Variants in DAGLB observed in about 807,000 individuals in gnomAD.
DAGLB encodes the protein diacylglycerol lipase-beta.
A neutral mutation model predicts 72.1 loss-of-function variants in DAGLB; 66 were observed. That is an observed-to-expected ratio of 0.92 (90% confidence interval 0.75 to 1.12). The LOEUF (loss-of-function observed/expected upper bound fraction) is 1.12. DAGLB is among the 50% of genes most tolerant of loss of function. The pLI is 0.00. For synonymous variants in DAGLB, 414 were observed against 359.5 expected (o/e 1.15, Z -1.71); for missense variants, 1,065 against 884.9 (o/e 1.20, Z -2.58).
At chr7:6,436,334 A>G in intron 3 of DAGLB, 28 bp downstream of exon 3, 1 of 1,585,766 alleles carries the variant, frequency 6.3e-7, no homozygotes. Flanking sequence ...AATCCACTGA[A>G]ACTCAAAGAG....
intron 8 of DAGLB, among the ~76,000 whole-genome samples, chr7:6,423,601 T>TG: frequency 6.6e-6 from 1 of 151,014 alleles, no homozygotes; most frequent in South Asian, 2.1e-4. Flanking sequence ...TTTTTTTTTT[T>TG]TTTCTGAGAC....
At chr7:6,447,525 T>C (rs3828944) in intron 1 of DAGLB, among the ~76,000 whole-genome samples, 125,991 of 151,888 alleles carry the variant, frequency 0.83, 52,622 homozygotes, top group African/African-American at 0.92. Context: ...TCCCCCGGGG[T>C]CAGCCCACAC....
intron 8 of DAGLB, chr7:6,422,135 G>A (rs975697150): frequency 2.8e-5 from 11 of 390,542 alleles, no homozygotes; most frequent in African/African-American, 2.1e-4. Context: ...AACAAAGCCT[G>A]GTTCCCGTCC....
rs1204519026 is a variant in DAGLB at position 6,434,961 on chromosome 7, C to T, written c.479G>A (p.Gly160Glu). 1 of 1,614,016 alleles carries T rather than the reference C, an allele frequency of 6.2e-7. No homozygotes were observed. The highest frequency in any genetic ancestry group is 2.2e-5 in the East Asian group (1 of 44,870). The change falls in exon 4 of 15, where the codon GGG becomes GAG. Residue 160 changes from glycine to glutamate, a missense_variant. Transcript: ENST00000297056. ...GGCAGAGGAATATGGAGCCATTTTC[C>T]CCCCAAGAGGGTCAAAGACAATGAT... ...SIIIVFDPLGGKMAPYSSAGP... is the reference protein window; with the variant it reads ...SIIIVFDPLGEKMAPYSSAGP...
intron 6 of DAGLB, among the ~76,000 whole-genome samples, chr7:6,427,664 T>C (rs1344639617): frequency 2.0e-5 from 3 of 152,092 alleles, no homozygotes; most frequent in African/African-American, 7.2e-5. Context: ...ACACCTGTAA[T>C]CCCAGGACTT....
chr7:6,422,099 G>A, intron 8 of DAGLB: 1 of 464,776 alleles, frequency 2.2e-6, no homozygotes, highest in South Asian at 1.8e-5. Flanking sequence ...AGGACCCCGT[G>A]GCACAGAACC....
In DAGLB at chr7:6,409,936, C is replaced by T; in HGVS notation, c.1920G>A (p.Met640Ile). 2 of 1,614,160 alleles carry T rather than the reference C, an allele frequency of 1.2e-6. No homozygotes were observed. Among genetic ancestry groups the T allele is most frequent in the Non-Finnish European group, 1.7e-6 (2 of 1,180,040 alleles). Residue 640 changes from methionine (M) to isoleucine (I), a missense_variant, in exon 15 of 15, where the codon ATG becomes ATA. Coordinates refer to ENST00000297056, the MANE Select transcript of DAGLB (RefSeq NM_139179.4). ...LIGPKMLTDH[M>I]PDILMRALDS... is the part of the protein sequence containing the mutation. The stretch of plus-strand genomic sequence containing the variant: ...CCAAGGCCCGCATCAGGATGTCTGG[C>T]ATGTGGTCGGTGAGCATCTTCGGAC...
At chr7:6,429,912 C>T (rs1362539906) in intron 6 of DAGLB, among the ~76,000 whole-genome samples, 3 of 151,932 alleles carry the variant, frequency 2.0e-5, no homozygotes, top group Non-Finnish European at 4.4e-5. Flanking sequence ...GCAGTGGTGG[C>T]GGGCGCCTGT....
chr7:6,418,594 C>A (rs565879383), intron 9 of DAGLB, among the ~76,000 whole-genome samples: 5 of 151,972 alleles, frequency 3.3e-5, no homozygotes, highest in Admixed American at 3.3e-4. Flanking sequence ...TCTAATAGGA[C>A]GGGGTGGAGG....
chr7:6,447,672 T>G, intron 1 of DAGLB, 76 bp downstream of exon 1: 1 of 1,521,822 alleles, frequency 6.6e-7, no homozygotes. Context: ...GCCACTTCTG[T>G]CACCGTCTCA....
chr7:6,434,094 A>T (rs1348266686), intron 4 of DAGLB, among the ~76,000 whole-genome samples: 1 of 152,160 alleles, frequency 6.6e-6, no homozygotes, highest in Non-Finnish European at 1.5e-5. Context: ...GAATGGTGCC[A>T]AGTCGGATAG....
rs199951557 is a variant in DAGLB, at chr7:6,409,860, C to T, written c.1996G>A (p.Val666Ile). 2.7e-5 allele frequency: 44 copies of T among 1,614,002 alleles called. No homozygotes were observed. In the African/African-American group the frequency reaches 5.6e-4, roughly 21 times the overall value. ...AACVSCPAQGVSSVDVA is the reference protein window; with the variant it reads ...AACVSCPAQGISSVDVA ...GGTCAGGCCACGTCCACACTGGAGACCCCTTGTGCTGGACAGGAGACGCAG... is the reference window on the plus strand; with the variant it reads ...GGTCAGGCCACGTCCACACTGGAGATCCCTTGTGCTGGACAGGAGACGCAG... The change falls in exon 15 of 15, where the codon GTC becomes ATC. Residue 666 changes from valine to isoleucine, a missense_variant. Transcript: ENST00000297056.
chr7:6,444,469 G>A (rs1236069248), intron 2 of DAGLB, among the ~76,000 whole-genome samples: 3 of 152,126 alleles, frequency 2.0e-5, no homozygotes, highest in Non-Finnish European at 4.4e-5. Flanking sequence ...AGGCGTGGTA[G>A]CGGGTGCCTG....
intron 9 of DAGLB, among the ~76,000 whole-genome samples, chr7:6,420,140 C>CTG (rs1274142718): frequency 6.6e-6 from 1 of 151,950 alleles, no homozygotes; most frequent in Non-Finnish European, 1.5e-5. Context: ...GAACAAGACC[C>CTG]TGTCTCAGAA....
intron 11 of DAGLB, among the ~76,000 whole-genome samples, chr7:6,413,616 C>T (rs980942256): frequency 1.3e-5 from 2 of 148,334 alleles, no homozygotes; most frequent in Non-Finnish European, 3.0e-5. Context: ...GGCGACAGAG[C>T]GAGACTCCAT....
intron 5 of DAGLB, 21 bp downstream of exon 5, chr7:6,432,816 A>G (rs755709754): frequency 2.5e-5 from 40 of 1,610,752 alleles, no homozygotes; most frequent in Non-Finnish European, 3.4e-5. Context: ...AGAACTGGAC[A>G]CTCCATGAAG....
intron 9 of DAGLB, among the ~76,000 whole-genome samples, chr7:6,420,823 A>G (rs1427485499): frequency 2.6e-5 from 4 of 152,146 alleles, no homozygotes; most frequent in African/African-American, 7.2e-5. Context: ...GCAGCCTCAC[A>G]CCCATAGCAC....
At chr7:6,434,092 C>T (rs1441139478) in intron 4 of DAGLB, among the ~76,000 whole-genome samples, 1 of 152,124 alleles carries the variant, frequency 6.6e-6, no homozygotes, top group African/African-American at 2.4e-5. Flanking sequence ...CTGAATGGTG[C>T]CAAGTCGGAT....
chr7:6,447,735 C>A lies in DAGLB; in HGVS notation c.95+13G>T. The A allele has an allele frequency of 1.2e-6, 2 of 1,610,246 alleles. No individual in the cohort carries two copies. Among genetic ancestry groups the A allele is most frequent in the African/African-American group, 1.3e-5 (1 of 74,922 alleles). ...CCGGTGGGCTCCACCGCCCCCGTAG[C>A]CGCCGTCCTTACCACAGCACTCGCA... On this transcript the variant is annotated intron_variant, in intron 1 of 14. Transcript: ENST00000297056.
Sources: gnomAD v4.1 joint callset for allele counts (sites outside exome capture counted in the v4.1 genomes callset) on GRCh38, gnomAD v4.1.1 for gene constraint, MANE v1.5 for transcripts, NCBI Gene and HGNC (gene_info 2026-07-23, HGNC 2026-07-21) for gene names.